Variants in PKIG observed in about 807,000 individuals in gnomAD.
PKIG encodes the protein cAMP-dependent protein kinase inhibitor gamma.
Under a neutral mutation model 6.8 loss-of-function variants are expected in PKIG, and 1 was observed. The ratio of observed to expected loss-of-function variants is 0.15; its 90% CI spans 0.05 to 0.69. The LOEUF (loss-of-function observed/expected upper bound fraction) is 0.69, where lower values mean the gene tolerates loss of function less well. PKIG is among the 30% of genes least tolerant of loss of function. The pLI, the probability that PKIG is intolerant of heterozygous loss-of-function variation, is 0.82. For missense variants in PKIG, 77 were observed against 104.0 expected (o/e 0.74, Z 1.13); for synonymous variants, 39 against 43.0 (o/e 0.91, Z 0.36).
chr20:44,584,157 C>A (rs941685268), intron 1 of PKIG, among the ~76,000 whole-genome samples: 1 of 152,178 alleles, frequency 6.6e-6, no homozygotes, highest in African/African-American at 2.4e-5. Flanking sequence ...GGACAACCAT[C>A]TACTTATATG....
At chr20:44,576,992 C>T (rs1355456159) in intron 1 of PKIG, among the ~76,000 whole-genome samples, 3 of 152,106 alleles carry the variant, frequency 2.0e-5, no homozygotes, top group African/African-American at 4.8e-5. Context: ...AAAGCAGCCA[C>T]GTGTACTCCA....
intron 3 of PKIG, among the ~76,000 whole-genome samples, chr20:44,617,916 C>G (rs571270767): frequency 6.6e-6 from 1 of 151,036 alleles, no homozygotes. Context: ...AACAAACAAA[C>G]AGAACAGCTG....
At chr20:44,537,541 A>T (rs1264471086) in intron 1 of PKIG, among the ~76,000 whole-genome samples, 1 of 150,866 alleles carries the variant, frequency 6.6e-6, no homozygotes, top group African/African-American at 2.4e-5. Context: ...GCCTGTGTTC[A>T]GTTTTATCTC....
At chr20:44,569,586 T>G (rs574303434) in intron 1 of PKIG, among the ~76,000 whole-genome samples, 1 of 152,340 alleles carries the variant, frequency 6.6e-6, no homozygotes, top group African/African-American at 2.4e-5. Flanking sequence ...TTTTATTTTT[T>G]TTGTTATTTT....
intron 1 of PKIG, among the ~76,000 whole-genome samples, chr20:44,558,173 G>A (rs1052361403): frequency 4.6e-5 from 7 of 152,066 alleles, no homozygotes; most frequent in Admixed American, 3.3e-4. Flanking sequence ...TCTAATATAC[G>A]GAGAGGTTGC....
At chr20:44,534,508 G>A (rs73615476) in intron 1 of PKIG, among the ~76,000 whole-genome samples, 1,692 of 149,336 alleles carry the variant, frequency 0.011, 17 homozygotes, top group East Asian at 0.064. Flanking sequence ...TCACTCTGTC[G>A]CCCATGCTGG....
chr20:44,618,420 GGA>G lies in PKIG; in HGVS notation c.*57_*58del. ...AGACCTTCTGTCCCCTCCCAGAGGG[GGA>G]ACCCTGGCACTGGCCCAGCAGCCTC... On this transcript the variant is annotated 3_prime_UTR_variant, in exon 4 of 4. Coordinates refer to ENST00000372886, the MANE Select transcript of PKIG (RefSeq NM_001281445.2). 4 of 1,225,878 alleles carry G rather than the reference GGA, an allele frequency of 3.3e-6. No individual in the cohort carries two copies. The highest frequency in any genetic ancestry group is 3.6e-6 in the Non-Finnish European group (3 of 826,468). The allele number at this position is 1,225,878 out of a possible 1,614,324, so 75.9% of individuals were successfully genotyped here. A position where few individuals can be genotyped will look rare whatever the true frequency, so the allele number is the denominator to read the frequency against.
chr20:44,565,358 C>T (rs992724914), intron 1 of PKIG, among the ~76,000 whole-genome samples: 3 of 152,162 alleles, frequency 2.0e-5, no homozygotes, highest in Admixed American at 6.5e-5. Context: ...ATGTATTGGT[C>T]AGGATTCTTA....
intron 1 of PKIG, among the ~76,000 whole-genome samples, chr20:44,575,201 C>A (rs1431420302): frequency 1.3e-5 from 2 of 152,034 alleles, no homozygotes; most frequent in Non-Finnish European, 2.9e-5. Flanking sequence ...TACAGGCATG[C>A]GCCACCATGC....
chr20:44,591,546 C>T (rs1463653182), intron 2 of PKIG, among the ~76,000 whole-genome samples: 1 of 131,112 alleles, frequency 7.6e-6, no homozygotes, highest in Non-Finnish European at 1.5e-5. Flanking sequence ...TTCAAGAAGG[C>T]AAAGGACAGA....
chr20:44,606,264 ACTC>A, intron 2 of PKIG, among the ~76,000 whole-genome samples: 1 of 152,284 alleles, frequency 6.6e-6, no homozygotes, highest in Non-Finnish European at 1.5e-5. Flanking sequence ...GCTCAGGTTC[ACTC>A]CTAGGAGCAG....
chr20:44,556,473 C>G (rs1329486357), intron 1 of PKIG, among the ~76,000 whole-genome samples: 1 of 152,118 alleles, frequency 6.6e-6, no homozygotes, highest in Non-Finnish European at 1.5e-5. Context: ...AGTGATTCTC[C>G]TGTCTCAGCC....
upstream of PKIG, among the ~76,000 whole-genome samples, chr20:44,580,325 T>TTTTTG (rs1191572117): frequency 6.6e-6 from 1 of 151,004 alleles, no homozygotes; most frequent in Non-Finnish European, 1.5e-5. Flanking sequence ...GGCTGGTGTT[T>TTTTTG]TTTTGTTTTG....
chr20:44,583,125 A>G (rs1310077539), intron 1 of PKIG, among the ~76,000 whole-genome samples: 2 of 152,208 alleles, frequency 1.3e-5, no homozygotes, highest in Non-Finnish European at 2.9e-5. Flanking sequence ...CATTCTAGAA[A>G]GAAAAGTCTC....
intron 2 of PKIG, among the ~76,000 whole-genome samples, chr20:44,595,366 C>T (rs953059564): frequency 6.6e-6 from 1 of 152,250 alleles, no homozygotes; most frequent in African/African-American, 2.4e-5. Flanking sequence ...CCACCAGCCT[C>T]TCAGATGCCA....
chr20:44,556,108 G>A (rs2064710653), intron 1 of PKIG, among the ~76,000 whole-genome samples: 2 of 152,068 alleles, frequency 1.3e-5, no homozygotes, highest in Admixed American at 1.3e-4. Context: ...CAAAGTGCTG[G>A]GATTACAGGC....
chr20:44,546,720 T>G (rs528836775), intron 1 of PKIG, among the ~76,000 whole-genome samples: 2 of 152,116 alleles, frequency 1.3e-5, no homozygotes, highest in African/African-American at 4.8e-5. Context: ...TCCCGGCTAA[T>G]TTTTGTATTT....
intron 1 of PKIG, among the ~76,000 whole-genome samples, chr20:44,562,794 C>T (rs2064779258): frequency 6.6e-6 from 1 of 152,116 alleles, no homozygotes; most frequent in South Asian, 2.1e-4. Flanking sequence ...CATGGTGGCT[C>T]ACGCCTGTAA....
intron 1 of PKIG, among the ~76,000 whole-genome samples, chr20:44,543,002 G>A (rs976407917): frequency 1.4e-4 from 22 of 152,210 alleles, no homozygotes; most frequent in Non-Finnish European, 2.4e-4. Flanking sequence ...CAGAGAAATG[G>A]TCGCTGTGCT....
Sources: allele counts gnomAD v4.1 joint callset (sites outside exome capture counted in the v4.1 genomes callset), GRCh38; gene constraint gnomAD v4.1.1; transcripts MANE v1.5; gene names NCBI Gene and HGNC (gene_info 2026-07-23, HGNC 2026-07-21).